MRTFB: variants seen among roughly 807,000 people sequenced by gnomAD.
The protein encoded by MRTFB is myocardin-related transcription factor B.
A neutral mutation model predicts 104.2 loss-of-function variants in MRTFB; 29 were observed. The ratio of observed to expected loss-of-function variants is 0.28; its 90% confidence interval spans 0.21 to 0.38. The LOEUF (loss-of-function observed/expected upper bound fraction) is 0.38. MRTFB is among the 10% of genes least tolerant of loss of function. MRTFB has a pLI of 1.00. For synonymous variants in MRTFB, 535 were observed against 519.5 expected, an observed-to-expected ratio of 1.03 and a Z score of -0.41; for missense variants, 1,270 against 1,341.6, an observed-to-expected ratio of 0.95 and a Z score of 0.83.
At chr16:14,213,473 ATACC>A in intron 5 of MRTFB, 68 bp from the exon 6 acceptor site, 1 of 1,062,340 alleles carries the variant, frequency 9.4e-7, no homozygotes, top group South Asian at 1.5e-5. Context: ...TTTAAATGGA[ATACC>A]TTAAAGAACA....
At chr16:14,237,960 GT>G (rs1276884474) in intron 9 of MRTFB, among the ~76,000 whole-genome samples, 11 of 152,192 alleles carry the variant, frequency 7.2e-5, no homozygotes, top group Admixed American at 7.2e-4. Context: ...CTTGAAGTTG[GT>G]GGTCACAAGT....
intron 3 of MRTFB, among the ~76,000 whole-genome samples, chr16:14,193,326 C>A (rs1008852697): frequency 6.8e-6 from 1 of 147,832 alleles, no homozygotes; most frequent in African/African-American, 2.5e-5. Context: ...GGGATAAAAT[C>A]AAAAATCTGT....
At chr16:14,224,095 G>A (rs148219529) in intron 8 of MRTFB, among the ~76,000 whole-genome samples, 33 of 152,242 alleles carry the variant, frequency 2.2e-4, no homozygotes, top group African/African-American at 6.5e-4. Flanking sequence ...AGGAGAGAGC[G>A]AGCGAGCACA....
chr16:14,212,771 C>T (rs2041249427), intron 5 of MRTFB, among the ~76,000 whole-genome samples: 2 of 152,178 alleles, frequency 1.3e-5, no homozygotes, highest in African/African-American at 4.8e-5. Context: ...TGTGGTGACA[C>T]CAGATCCTTA....
chr16:14,003,737 T>C, the MRTFB span, among the ~76,000 whole-genome samples: 3 of 150,146 alleles, frequency 2.0e-5, no homozygotes, highest in Admixed American at 1.3e-4. Flanking sequence ...ACAATAGCCT[T>C]TGCCTGGAGA....
chr16:14,252,483 C>T lies in MRTFB; in HGVS notation c.2684C>T (p.Thr895Ile), dbSNP rs1181495233. 6.8e-6 allele frequency: 11 copies of T among 1,613,864 alleles called. No individual in the cohort carries two copies. In the Admixed American group the frequency reaches 1.2e-4, roughly 17 times the overall value. The change falls in exon 15 of 17, where the codon ACA becomes ATA. Residue 895 changes from threonine (T) to isoleucine (I), a missense_variant. This residue lies in a region of MRTFB where 1,144 missense variants were observed against 1,131.5 expected (regional missense o/e 1.01). Transcript: ENST00000571589. ...GAGGCCATCAAGCAGACACGCAGCA[C>T]ACAGGCCCCTCTGCCAGAGGTAAGT... is the stretch of plus-strand genomic sequence containing the variant. ...YEEAIKQTRS[T>I]QAPLPEISNA...
At position 14,262,456 on chromosome 16, in the gene MRTFB, G is replaced by A. The variant is rs746762775; in HGVS notation, c.*1012G>A. The A allele has an allele frequency of 3.3e-5, 5 of 152,234 alleles. No individual in the cohort carries two copies. The highest frequency in any genetic ancestry group is 7.3e-5 in the Non-Finnish European group (5 of 68,050). 9.4% of individuals were successfully genotyped at this position (152,234 alleles called of 1,614,324 possible). ...TCTGAGCTGGCGAGTTAGAAGAATG[G>A]AAGGTAAGGGGAAGGTCTGTCATCT... On this transcript the variant is annotated 3_prime_UTR_variant, in exon 17 of 17. Transcript: ENST00000571589.
At chr16:14,008,944 G>GTTTATTTATTTATTTATT in the MRTFB span, among the ~76,000 whole-genome samples, 14 of 149,650 alleles carry the variant, frequency 9.4e-5, no homozygotes, top group Admixed American at 2.0e-4. Context: ...AAAATTTTAT[G>GTTTATTTATTTATTTATT]TATTTATTTA....
At chr16:14,168,759 T>C (rs1162132626) in intron 3 of MRTFB, among the ~76,000 whole-genome samples, 1 of 152,188 alleles carries the variant, frequency 6.6e-6, no homozygotes, top group African/African-American at 2.4e-5. Flanking sequence ...GGTGAATATT[T>C]AGTTTTCTAA....
the MRTFB span, among the ~76,000 whole-genome samples, chr16:14,052,753 AAAG>A: frequency 4.6e-5 from 7 of 150,924 alleles, no homozygotes; most frequent in African/African-American, 1.7e-4. Context: ...AAAAAAAAAA[AAAG>A]AAAGAAAGAA....
the MRTFB span, among the ~76,000 whole-genome samples, chr16:14,043,050 G>T: frequency 4.6e-5 from 7 of 152,348 alleles, no homozygotes; most frequent in East Asian, 1.4e-3. Context: ...AAAGGAACGG[G>T]TCCTCTGGGA....
intron 2 of MRTFB, among the ~76,000 whole-genome samples, chr16:14,138,902 G>T (rs1272663965): frequency 6.6e-6 from 1 of 152,020 alleles, no homozygotes; most frequent in African/African-American, 2.4e-5. Context: ...AAGTTGATTC[G>T]TATTTCACCA....
intron 3 of MRTFB, among the ~76,000 whole-genome samples, chr16:14,169,871 TAAAC>T (rs1210795384): frequency 6.6e-6 from 1 of 152,052 alleles, no homozygotes; most frequent in Non-Finnish European, 1.5e-5. Context: ...TAAAAATAAA[TAAAC>T]AAAAATTTTT....
the MRTFB span, among the ~76,000 whole-genome samples, chr16:14,001,159 T>A: frequency 6.6e-6 from 1 of 152,232 alleles, no homozygotes; most frequent in African/African-American, 2.4e-5. Flanking sequence ...GTTAAGACGC[T>A]TGTGGTTGCA....
chr16:14,136,538 G>A (rs550261425), intron 2 of MRTFB, among the ~76,000 whole-genome samples: 1 of 152,030 alleles, frequency 6.6e-6, no homozygotes, highest in Non-Finnish European at 1.5e-5. Flanking sequence ...TACCCATCAG[G>A]GATTTTTTTT....
intron 7 of MRTFB, among the ~76,000 whole-genome samples, chr16:14,218,607 A>C (rs2041537537): frequency 6.6e-6 from 1 of 152,142 alleles, no homozygotes; most frequent in Non-Finnish European, 1.5e-5. Context: ...GTTGAACCCA[A>C]AGTCTTAATC....
chr16:14,200,869 C>G, intron 3 of MRTFB: 2 of 1,459,080 alleles, frequency 1.4e-6, no homozygotes, highest in South Asian at 2.3e-5. Flanking sequence ...GTATGGTTAC[C>G]TCAGGTGTAA....
At chr16:14,017,667 T>G in the MRTFB span, among the ~76,000 whole-genome samples, 21 of 49,274 alleles carry the variant, frequency 4.3e-4, no homozygotes, top group East Asian at 7.8e-4. Flanking sequence ...GTGTGTGTAT[T>G]TGTGTGTGTG....
At chr16:14,228,962 C>T (rs12920512) in intron 8 of MRTFB, among the ~76,000 whole-genome samples, 116,852 of 151,800 alleles carry the variant, frequency 0.77, 48,504 homozygotes, top group Non-Finnish European at 0.93. Context: ...TAGTGTATTG[C>T]TTGGGAACAT....
Sources: allele counts gnomAD v4.1 joint callset (sites outside exome capture counted in the v4.1 genomes callset), GRCh38; gene constraint gnomAD v4.1.1; regional missense constraint gnomAD v4.1.1; transcripts MANE v1.5; gene names NCBI Gene and HGNC (gene_info 2026-07-23, HGNC 2026-07-21).